Variants in ARHGEF2 observed in about 807,000 individuals in gnomAD.
ARHGEF2 encodes Rho/Rac guanine nucleotide exchange factor 2, also known as rho guanine nucleotide exchange factor 2.
ARHGEF2 carries 22 observed loss-of-function variants against 121.0 expected under a neutral mutation model. That is an observed-to-expected ratio of 0.18 (90% CI 0.13 to 0.26). ARHGEF2 has a LOEUF of 0.26. ARHGEF2 is among the 10% of genes least tolerant of loss of function. The pLI is 1.00. For synonymous variants in ARHGEF2, 487 were observed against 530.0 expected, an observed-to-expected ratio of 0.92 and a Z score of 1.11; for missense variants, 907 against 1,336.0, an observed-to-expected ratio of 0.68 and a Z score of 5.01.
At chr1:155,978,655 G>T, upstream of ARHGEF2, 1 of 1,160,208 alleles carries the variant, frequency 8.6e-7, no homozygotes, top group Middle Eastern at 3.3e-4. The surrounding 1 kb of genome is among the most constrained non-coding windows in gnomAD (Gnocchi z 4.1). Context: ...CCCGCGCGCA[G>T]GACGGGACGC....
Position 155,961,274 on chromosome 1 carries a change from C to CT in ARHGEF2, c.1468+386dup, listed in dbSNP as rs926226291. 0.015 allele frequency among the ~76,000 whole-genome samples: 1,919 copies of CT among 131,366 alleles called. 25 individuals carry two copies. The highest frequency in any genetic ancestry group is 0.044 in the South Asian group (178 of 4,006). 86.2% of individuals were successfully genotyped at this position (131,366 alleles called of 152,430 possible). On this transcript the variant is annotated intron_variant, in intron 11 of 21. Coordinates refer to ENST00000361247, the MANE Select transcript of ARHGEF2 (RefSeq NM_001162383.2). The surrounding 1 kb of genome is among the most constrained non-coding windows in gnomAD (Gnocchi z 4.7). ...TGGGCTGCATAAAGGGAGGTTGATT[C>CT]TTTTTTTTTTTTTTTTTTGAGATGG...
chr1:155,950,866 G>T lies in ARHGEF2; in HGVS notation c.2666C>A (p.Ala889Glu). ...GAAACTCAAGTACAGGGCATCGCCT[G>T]CGGGGAGGCTGCGCCGCCGAGGATC... ...PVDPRRRSLP[A>E]GDALYLSFNP... The change falls in exon 20 of 22, where the codon GCA (alanine) becomes GAA (glutamate). Residue 889 changes from alanine (A) to glutamate (E), a missense_variant. This residue lies in a region of ARHGEF2 where 432 missense variants were observed against 559.5 expected (regional missense o/e 0.77). Coordinates refer to ENST00000361247, the MANE Select transcript of ARHGEF2 (RefSeq NM_001162383.2). This position sits in a 1 kb window ranked among gnomAD's most constrained non-coding sequence, Gnocchi z 5.2. 1 of 1,547,940 alleles carries T rather than the reference G, an allele frequency of 6.5e-7. No homozygotes were observed. The highest frequency in any genetic ancestry group is 1.4e-5 in the African/African-American group (1 of 73,010).
chr1:155,951,158 C>T lies in ARHGEF2; in HGVS notation c.2374G>A (p.Ala792Thr). 6.2e-7 allele frequency: 1 copy of T among 1,604,550 alleles called. No individual in the cohort carries two copies. ...SRDGEAGRAG[A>T]APVAPEKQAT... The stretch of plus-strand genomic sequence containing the variant: ...TGCTTTTCAGGGGCCACAGGGGCAG[C>T]CCCAGCCCTGCCAGCCTCCCCATCC... Residue 792 changes from alanine to threonine, a missense_variant, in exon 20 of 22, where the codon GCT becomes ACT. Transcript: ENST00000361247. This position sits in a 1 kb window ranked among gnomAD's most constrained non-coding sequence, Gnocchi z 5.1.
intron 1 of ARHGEF2, among the ~76,000 whole-genome samples, chr1:155,972,551 C>T (rs1383610471): frequency 1.3e-5 from 2 of 152,082 alleles, no homozygotes; most frequent in African/African-American, 4.8e-5. Context: ...CATTTACCCA[C>T]GCCCAAGTAG....
At chr1:155,970,125 T>C (rs1680179478) in intron 1 of ARHGEF2, 2 of 985,436 alleles carry the variant, frequency 2.0e-6, no homozygotes, top group South Asian at 4.7e-5. Flanking sequence ...AGTTAAAACC[T>C]AGGAGAGTTT....
rs1057245832 is a variant in ARHGEF2 at position 155,965,235 on chromosome 1, C to A, written c.580+68G>T. ...CCTCCTTGTCCTTCCAGGCTACTCCCACCAGCCTCTCATCCCCCAGCCCCT... is the reference window on the plus strand; with the variant it reads ...CCTCCTTGTCCTTCCAGGCTACTCCAACCAGCCTCTCATCCCCCAGCCCCT... On this transcript the variant is annotated intron_variant, in intron 6 of 21. Transcript: ENST00000361247. This position sits in a 1 kb window ranked among gnomAD's most constrained non-coding sequence, Gnocchi z 6.0. 1.9e-6 allele frequency: 3 copies of A among 1,604,886 alleles called. No homozygotes were observed. In the African/African-American group the frequency reaches 4.0e-5, roughly 21 times the overall value.
At chr1:155,954,479 G>A (rs1369724893) in intron 14 of ARHGEF2, among the ~76,000 whole-genome samples, 1 of 146,800 alleles carries the variant, frequency 6.8e-6, no homozygotes, top group South Asian at 2.2e-4. Context: ...TAGTAGAGAC[G>A]GGGTTTCACC....
chr1:155,958,118 A>G (rs1275723478), intron 12 of ARHGEF2, among the ~76,000 whole-genome samples: 1 of 152,228 alleles, frequency 6.6e-6, no homozygotes, highest in Admixed American at 6.5e-5. Flanking sequence ...GACGAAAATA[A>G]TCTTTTCCCA....
intron 1 of ARHGEF2, among the ~76,000 whole-genome samples, chr1:155,971,307 G>A (rs985422851): frequency 1.3e-5 from 2 of 152,156 alleles, no homozygotes; most frequent in Non-Finnish European, 2.9e-5. Context: ...GCTGGGTGCA[G>A]TGGCTCACAC....
rs1312063490 is a variant in ARHGEF2 at position 155,951,162 on chromosome 1, A to G, written c.2370T>C (p.Ala790=). The change falls in exon 20 of 22, where the codon GCT becomes GCC. Residue 790 remains alanine, a synonymous_variant. Transcript: ENST00000361247. This position sits in a 1 kb window ranked among gnomAD's most constrained non-coding sequence, Gnocchi z 5.1. ...TTTCAGGGGCCACAGGGGCAGCCCC[A>G]GCCCTGCCAGCCTCCCCATCCCGAG... ...ANSRDGEAGR[A]GAAPVAPEKQ... is the part of the protein sequence containing the mutation. 6.2e-7 allele frequency: 1 copy of G among 1,604,612 alleles called. No individual in the cohort carries two copies. Among genetic ancestry groups the G allele is most frequent in the Admixed American group, 1.7e-5 (1 of 58,888 alleles).
Position 155,965,196 on chromosome 1 carries a change from C to T in ARHGEF2, c.581-65G>A. 1 of 1,609,058 alleles carries T rather than the reference C, an allele frequency of 6.2e-7. No individual in the cohort carries two copies. The highest frequency in any genetic ancestry group is 8.5e-7 in the Non-Finnish European group (1 of 1,176,460). On this transcript the variant is annotated intron_variant, in intron 6 of 21. Coordinates refer to ENST00000361247, the MANE Select transcript of ARHGEF2 (RefSeq NM_001162383.2). This position sits in a 1 kb window ranked among gnomAD's most constrained non-coding sequence, Gnocchi z 6.0. ...TCCCTTCCCTGGGTCCCTGGCCCTT[C>T]TCTAGATCCCTTCCCTCCTTGTCCT...
At position 155,969,950 on chromosome 1, in the gene ARHGEF2, C is replaced by A. The variant is rs1228938468; in HGVS notation, c.64-650G>T. 3.0e-6 allele frequency: 3 copies of A among 985,310 alleles called. No homozygotes were observed. In the African/African-American group the frequency reaches 5.2e-5, roughly 17 times the overall value. 61.0% of individuals were successfully genotyped at this position (985,310 alleles called of 1,614,324 possible). Reference sequence around the variant, plus strand: ...CGGCACACAGGGCCTGTCTGGGAGGCAGCATGTCCCCTACTAACCTTGAGG... The same window carrying A: ...CGGCACACAGGGCCTGTCTGGGAGGAAGCATGTCCCCTACTAACCTTGAGG... On this transcript the variant is annotated intron_variant, in intron 1 of 21. Coordinates refer to ENST00000361247, the MANE Select transcript of ARHGEF2 (RefSeq NM_001162383.2).
At chr1:155,978,551 T>C, upstream of ARHGEF2, 1 of 1,264,716 alleles carries the variant, frequency 7.9e-7, no homozygotes, top group Non-Finnish European at 1.0e-6. This position sits in a 1 kb window ranked among gnomAD's most constrained non-coding sequence, Gnocchi z 4.1. Flanking sequence ...CTGACTCCCC[T>C]CGCCCGGCAC....
chr1:155,950,153 A>G lies in ARHGEF2; in HGVS notation c.2887+146T>C, dbSNP rs1675113298. On this transcript the variant is annotated intron_variant, in intron 21 of 21. Coordinates refer to ENST00000361247, the MANE Select transcript of ARHGEF2 (RefSeq NM_001162383.2). The surrounding 1 kb of genome is among the most constrained non-coding windows in gnomAD (Gnocchi z 5.2). ...CCTGCTTCCTAGACTTCCACCACCCATTCATCATCAGACAAAACAGGAAGT... is the reference window on the plus strand; with the variant it reads ...CCTGCTTCCTAGACTTCCACCACCCGTTCATCATCAGACAAAACAGGAAGT... The G allele has an allele frequency of 4.1e-6, 4 of 983,198 alleles. No homozygotes were observed. The African/African-American group carries it at 6.5e-5, about 16-fold the overall frequency. 60.9% of individuals were successfully genotyped at this position (983,198 alleles called of 1,614,324 possible). A position where few individuals can be genotyped will look rare whatever the true frequency, so the allele number is the denominator to read the frequency against.
Position 155,966,459 on chromosome 1 carries a change from C to T in ARHGEF2, c.297G>A (p.Leu99=), listed in dbSNP as rs1442208106. The T allele has an allele frequency of 1.2e-6, 2 of 1,614,152 alleles. No homozygotes were observed. The highest frequency in any genetic ancestry group is 1.7e-4 in the Middle Eastern group (1 of 6,060). The change falls in exon 4 of 22, where the codon CTG becomes CTA. Residue 99 remains leucine, a synonymous_variant. Coordinates refer to ENST00000361247, the MANE Select transcript of ARHGEF2 (RefSeq NM_001162383.2). ...VKQKQQKAAL[L]KNNTALQSVS... Reference sequence around the variant, plus strand: ...CGGACTGCAAGGCGGTGTTGTTCTTCAGCAGGGCCGCTTTCTGTTGCTGTG... The same window carrying T: ...CGGACTGCAAGGCGGTGTTGTTCTTTAGCAGGGCCGCTTTCTGTTGCTGTG...
intron 1 of ARHGEF2, among the ~76,000 whole-genome samples, chr1:155,971,619 A>T (rs1334610507): frequency 6.7e-6 from 1 of 148,758 alleles, no homozygotes; most frequent in Non-Finnish European, 1.5e-5. Context: ...TTTGAATAAT[A>T]ACCTCACAGG....
chr1:155,959,831 G>C (rs554134558), intron 11 of ARHGEF2, among the ~76,000 whole-genome samples: 1 of 152,338 alleles, frequency 6.6e-6, no homozygotes, highest in Non-Finnish European at 1.5e-5. Flanking sequence ...TTATAGGGAT[G>C]AGCCACCGTG....
rs753323497 is a variant in ARHGEF2, at chr1:155,965,751, C to T, written c.350G>A (p.Arg117Gln). The change falls in exon 5 of 22, where the codon CGG (arginine) becomes CAG (glutamine). Residue 117 changes from arginine to glutamine, a missense_variant. Physicochemically the swap from Arg to Gln is conservative, Grantham distance 43. Coordinates refer to ENST00000361247, the MANE Select transcript of ARHGEF2 (RefSeq NM_001162383.2). This position sits in a 1 kb window ranked among gnomAD's most constrained non-coding sequence, Gnocchi z 6.0. ...GTAGATGGCCGAGCTTGGCCGCTCCCGGATGGTTGCTGTGGGGGAGAGATG... is the reference window on the plus strand; with the variant it reads ...GTAGATGGCCGAGCTTGGCCGCTCCTGGATGGTTGCTGTGGGGGAGAGATG... ...SVSLRSKTTI[R>Q]ERPSSAIYPS... 9 of 1,596,012 alleles carry T rather than the reference C, an allele frequency of 5.6e-6. No homozygotes were observed. Among genetic ancestry groups the T allele is most frequent in the African/African-American group, 1.4e-5 (1 of 73,826 alleles).
rs970869939 is a variant in ARHGEF2 at position 155,969,367 on chromosome 1, G to C, written c.64-67C>G. On this transcript the variant is annotated intron_variant, in intron 1 of 21. Coordinates refer to ENST00000361247, the MANE Select transcript of ARHGEF2 (RefSeq NM_001162383.2). ...TGCCAGGGTGCCTGGAGTCCAGAGAGACAGGCTGGGGGCAGAGGCAAGGAA... is the reference window on the plus strand; with the variant it reads ...TGCCAGGGTGCCTGGAGTCCAGAGACACAGGCTGGGGGCAGAGGCAAGGAA... The C allele has an allele frequency of 1.6e-5, 26 of 1,596,884 alleles. No homozygotes were observed. The East Asian group carries it at 5.4e-4, about 33-fold the overall frequency.
Sources: gnomAD v4.1 joint callset for allele counts (sites outside exome capture counted in the v4.1 genomes callset) on GRCh38, gnomAD v4.1.1 for gene constraint, gnomAD v4.1.1 regional missense constraint, Gnocchi (gnomAD v3.1) non-coding constraint, MANE v1.5 for transcripts, NCBI Gene and HGNC (gene_info 2026-07-23, HGNC 2026-07-21) for gene names.